PRKN: variants seen among roughly 807,000 people sequenced by gnomAD.
PRKN encodes E3 ubiquitin-protein ligase parkin.
A neutral mutation model predicts 59.5 loss-of-function variants in PRKN; 56 were observed. The ratio of observed to expected loss-of-function variants is 0.94; its 90% CI spans 0.76 to 1.18. PRKN has a LOEUF of 1.18. Among genes scored for constraint, PRKN ranks in the 50% most tolerant of loss-of-function variants. The pLI is 0.00. For synonymous variants in PRKN, 250 were observed against 222.1 expected (o/e 1.13, Z -1.12); for missense variants, 657 against 596.4 (o/e 1.10, Z -1.06).
chr6:161,854,343 G>GA (rs1376956013), intron 6 of PRKN, among the ~76,000 whole-genome samples: 3 of 151,712 alleles, frequency 2.0e-5, no homozygotes, highest in Admixed American at 2.0e-4. Flanking sequence ...AAAAATAACA[G>GA]AAAAAAATTA....
intron 4 of PRKN, among the ~76,000 whole-genome samples, chr6:162,099,222 G>A (rs1779868258): frequency 6.6e-6 from 1 of 152,154 alleles, no homozygotes; most frequent in African/African-American, 2.4e-5. Context: ...ACAATCTTGG[G>A]ATTAAGAGCT....
intron 9 of PRKN, among the ~76,000 whole-genome samples, chr6:161,418,711 T>A (rs1787961529): frequency 6.6e-6 from 1 of 152,202 alleles, no homozygotes; most frequent in Non-Finnish European, 1.5e-5. Flanking sequence ...CTTTCACAGG[T>A]GTCTCCAAAT....
intron 1 of PRKN, among the ~76,000 whole-genome samples, chr6:162,459,426 CAGTT>C (rs1324994704): frequency 1.3e-5 from 2 of 152,066 alleles, no homozygotes; most frequent in African/African-American, 2.4e-5. Flanking sequence ...ATGAAATTGT[CAGTT>C]AGATGGTCAG....
chr6:162,726,425 AT>A (rs1212026415), intron 1 of PRKN, among the ~76,000 whole-genome samples: 1 of 152,222 alleles, frequency 6.6e-6, no homozygotes, highest in Non-Finnish European at 1.5e-5. Context: ...AAGAAGACTC[AT>A]AAAAAATATT....
intron 7 of PRKN, among the ~76,000 whole-genome samples, chr6:161,695,255 A>C (rs1180854780): frequency 6.6e-6 from 1 of 152,224 alleles, no homozygotes; most frequent in Admixed American, 6.5e-5. Context: ...AGAACCATGG[A>C]GGTAGAATAT....
chr6:161,682,109 A>G (rs1785388337), intron 7 of PRKN, among the ~76,000 whole-genome samples: 1 of 152,186 alleles, frequency 6.6e-6, no homozygotes, highest in Non-Finnish European at 1.5e-5. Context: ...CACTGGGCTC[A>G]GCTCCCTGGA....
intron 5 of PRKN, among the ~76,000 whole-genome samples, chr6:162,017,776 G>A (rs1227891017): frequency 6.6e-6 from 1 of 152,046 alleles, no homozygotes; most frequent in African/African-American, 2.4e-5. Context: ...ACTATATATA[G>A]GCTTCAAAAT....
intron 1 of PRKN, among the ~76,000 whole-genome samples, chr6:162,501,328 T>C (rs1375493321): frequency 6.6e-6 from 1 of 150,638 alleles, no homozygotes; most frequent in Admixed American, 6.7e-5. Context: ...TTAAACTTCA[T>C]TATGTTTCTA....
At chr6:162,037,868 T>C (rs1262117188) in intron 5 of PRKN, among the ~76,000 whole-genome samples, 1 of 151,884 alleles carries the variant, frequency 6.6e-6, no homozygotes, top group Non-Finnish European at 1.5e-5. Context: ...TAGGTGAAAG[T>C]ACGTTGGCTA....
chr6:161,574,357 A>C (rs988430819), intron 7 of PRKN, among the ~76,000 whole-genome samples: 1 of 152,126 alleles, frequency 6.6e-6, no homozygotes, highest in Non-Finnish European at 1.5e-5. Flanking sequence ...CCACAGTACT[A>C]CTTCTGGATT....
At chr6:161,769,751 C>T (rs1171406401) in intron 7 of PRKN, among the ~76,000 whole-genome samples, 2 of 152,110 alleles carry the variant, frequency 1.3e-5, no homozygotes, top group African/African-American at 2.4e-5. Context: ...GGGGATTAAG[C>T]TTGACCATGG....
chr6:161,753,936 C>A (rs1788802233), intron 7 of PRKN, among the ~76,000 whole-genome samples: 1 of 152,052 alleles, frequency 6.6e-6, no homozygotes, highest in South Asian at 2.1e-4. Flanking sequence ...AGAGGGTAAG[C>A]TATGAAGAGC....
intron 3 of PRKN, among the ~76,000 whole-genome samples, chr6:162,244,714 A>G (rs1779129129): frequency 6.6e-6 from 1 of 152,132 alleles, no homozygotes; most frequent in Non-Finnish European, 1.5e-5. Flanking sequence ...GCATCAGGGT[A>G]TATGGAATTA....
rs538125350 is a variant in PRKN at position 161,776,852 on chromosome 6, G to A, written c.871+8920C>T. ...GTGATCCTGGTTGCTTAATGATATC[G>A]AGCCTTTACTTCTTCCTCTGTACAA... On this transcript the variant is annotated intron_variant, in intron 7 of 11. Transcript: ENST00000366898. 3.9e-5 allele frequency among the ~76,000 whole-genome samples: 6 copies of A among 152,256 alleles called. No individual in the cohort carries two copies. In the South Asian group the frequency reaches 6.2e-4, roughly 16 times the overall value.
intron 4 of PRKN, among the ~76,000 whole-genome samples, chr6:162,102,559 C>A (rs573138692): frequency 6.6e-6 from 1 of 152,286 alleles, no homozygotes; most frequent in South Asian, 2.1e-4. Flanking sequence ...ATGCTGCATT[C>A]TGGAGACGAC....
chr6:162,390,396 T>TATATATATATATATATATATATATACAC (rs1180636201), intron 2 of PRKN, among the ~76,000 whole-genome samples: 149 of 83,902 alleles, frequency 1.8e-3, no homozygotes, highest in Non-Finnish European at 2.3e-3. Flanking sequence ...TATATATATA[T>TATATATATATATATATATATATATACAC]ACACACACAC....
At chr6:162,397,977 C>A (rs2128148053) in intron 2 of PRKN, among the ~76,000 whole-genome samples, 1 of 147,210 alleles carries the variant, frequency 6.8e-6, no homozygotes, top group South Asian at 2.1e-4. Context: ...CTGGACGTTG[C>A]AGTGAGCTGG....
chr6:162,451,366 G>GA (rs1790613973), intron 1 of PRKN, among the ~76,000 whole-genome samples: 5 of 70,346 alleles, frequency 7.1e-5, no homozygotes, highest in South Asian at 4.5e-4. Flanking sequence ...CCTTAAAGGA[G>GA]TAAAAAAAAA....
intron 7 of PRKN, among the ~76,000 whole-genome samples, chr6:161,602,605 C>G (rs1782147618): frequency 6.6e-6 from 1 of 152,202 alleles, no homozygotes; most frequent in African/African-American, 2.4e-5. Flanking sequence ...GATTTGCTCT[C>G]TGTAGACTGC....
Sources: allele counts gnomAD v4.1 joint callset (sites outside exome capture counted in the v4.1 genomes callset), GRCh38; gene constraint gnomAD v4.1.1; transcripts MANE v1.5; gene names NCBI Gene and HGNC (gene_info 2026-07-23, HGNC 2026-07-21).